DSCAM: variants seen among roughly 807,000 people sequenced by gnomAD.
DSCAM encodes DS cell adhesion molecule.
In DSCAM, 47 loss-of-function variants were observed where a neutral mutation model predicts 217.7. The ratio of observed to expected loss-of-function variants is 0.22; its 90% CI spans 0.17 to 0.28. The LOEUF (loss-of-function observed/expected upper bound fraction) is 0.28, where lower values mean the gene tolerates loss of function less well. Ranked by LOEUF, DSCAM falls within the 10% of genes least tolerant of loss-of-function variation. DSCAM has a pLI of 1.00. For synonymous variants in DSCAM, 1,056 were observed against 1,015.3 expected (o/e 1.04, Z -0.76); for missense variants, 2,080 against 2,618.3 (o/e 0.79, Z 4.49).
intron 1 of DSCAM, among the ~76,000 whole-genome samples, chr21:40,716,833 A>G (rs1244883477): frequency 6.6e-6 from 1 of 152,146 alleles, no homozygotes; most frequent in Non-Finnish European, 1.5e-5. Context: ...TACTACTGCC[A>G]AGGAAATTTC....
intron 11 of DSCAM, among the ~76,000 whole-genome samples, chr21:40,231,750 G>A (rs989029359): frequency 6.6e-6 from 1 of 152,020 alleles, no homozygotes; most frequent in African/African-American, 2.4e-5. Context: ...TGATCCTCCT[G>A]TCTTGGCCTC....
chr21:40,142,181 C>T (rs556343422), intron 18 of DSCAM, among the ~76,000 whole-genome samples: 3 of 152,234 alleles, frequency 2.0e-5, no homozygotes, highest in East Asian at 1.9e-4. Context: ...CGTTTCCCCG[C>T]GGAGTTCTAT....
At chr21:40,827,157 CG>C (rs2091975276) in intron 1 of DSCAM, among the ~76,000 whole-genome samples, 1 of 151,978 alleles carries the variant, frequency 6.6e-6, no homozygotes, top group Non-Finnish European at 1.5e-5. Flanking sequence ...GAGGTGTGCA[CG>C]GTCCAGGTGA....
intron 18 of DSCAM, among the ~76,000 whole-genome samples, chr21:40,134,577 C>T (rs2090187966): frequency 6.6e-6 from 1 of 152,190 alleles, no homozygotes; most frequent in South Asian, 2.1e-4. Flanking sequence ...TAACTATAGT[C>T]ACCACTTTGT....
chr21:40,491,095 C>T (rs540047584), intron 3 of DSCAM, among the ~76,000 whole-genome samples: 6 of 152,094 alleles, frequency 3.9e-5, no homozygotes, highest in African/African-American at 7.2e-5. Flanking sequence ...TTTTGTCTTA[C>T]GATATCATAA....
intron 1 of DSCAM, among the ~76,000 whole-genome samples, chr21:40,825,413 G>T (rs1272395161): frequency 6.6e-6 from 1 of 151,954 alleles, no homozygotes; most frequent in Non-Finnish European, 1.5e-5. Flanking sequence ...TGCCTCCCGG[G>T]TTCAAGTGAT....
chr21:40,805,803 G>T (rs1206488551), intron 1 of DSCAM, among the ~76,000 whole-genome samples: 1 of 151,908 alleles, frequency 6.6e-6, no homozygotes, highest in Non-Finnish European at 1.5e-5. Flanking sequence ...CCACCTCCCG[G>T]GTTCATGCCA....
At chr21:40,153,098 G>A (rs567436555) in intron 16 of DSCAM, among the ~76,000 whole-genome samples, 1 of 152,166 alleles carries the variant, frequency 6.6e-6, no homozygotes, top group East Asian at 1.9e-4. Flanking sequence ...TGACAAGTTG[G>A]GTGGACAGTC....
chr21:40,052,976 G>T (rs1010184275), intron 29 of DSCAM, among the ~76,000 whole-genome samples: 10 of 152,296 alleles, frequency 6.6e-5, no homozygotes, highest in Admixed American at 6.5e-4. Context: ...ACTTTGGCTA[G>T]GATATACAGA....
Position 40,602,303 on chromosome 21 carries a change from C to T in DSCAM, c.508+90507G>A, listed in dbSNP as rs373429942. ...CTGGAAATCCTGAGCTCAAGCAATC[C>T]GCCCGCTGCGGCTTCTCAAAGTGCT... On this transcript the variant is annotated intron_variant, in intron 3 of 32. Coordinates refer to ENST00000400454, the MANE Select transcript of DSCAM (RefSeq NM_001389.5). Among the ~76,000 whole-genome samples, 64 of 152,186 alleles carry T rather than the reference C, an allele frequency of 4.2e-4. 2 individuals are homozygous for T. In the South Asian group the frequency reaches 0.012, roughly 28 times the overall value.
chr21:40,428,478 C>T, intron 3 of DSCAM, among the ~76,000 whole-genome samples: 1 of 152,032 alleles, frequency 6.6e-6, no homozygotes, highest in Non-Finnish European at 1.5e-5. Context: ...CCATGTTGGT[C>T]AGGCTGGTCT....
chr21:40,559,490 C>T lies in DSCAM; in HGVS notation c.508+133320G>A, dbSNP rs574982856. Among the ~76,000 whole-genome samples, 12 of 148,260 alleles carry T rather than the reference C, an allele frequency of 8.1e-5. No homozygotes were observed. In the South Asian group the frequency reaches 2.5e-3, roughly 31 times the overall value. On this transcript the variant is annotated intron_variant, in intron 3 of 32. Transcript: ENST00000400454. Reference sequence around the variant, plus strand: ...AAAAAAAAAAAAGTACAAGTAAAGACAAATGATTTTAAGCAGAATAGGAGG... The same window carrying T: ...AAAAAAAAAAAAGTACAAGTAAAGATAAATGATTTTAAGCAGAATAGGAGG...
At chr21:40,483,234 T>C (rs2075997360) in intron 3 of DSCAM, among the ~76,000 whole-genome samples, 1 of 152,210 alleles carries the variant, frequency 6.6e-6, no homozygotes, top group African/African-American at 2.4e-5. Context: ...TTAGCAAATA[T>C]CTATTTTAAA....
intron 32 of DSCAM, among the ~76,000 whole-genome samples, chr21:40,020,532 A>T (rs200890661): frequency 3.4e-4 from 48 of 140,892 alleles, no homozygotes; most frequent in African/African-American, 5.4e-4. Flanking sequence ...TGTGTGTGTG[A>T]GAGAGAGAGA....
chr21:40,667,631 G>C lies in DSCAM; in HGVS notation c.508+25179C>G, dbSNP rs139099328. Among the ~76,000 whole-genome samples the C allele has an allele frequency of 4.5e-3, 679 of 151,950 alleles. 3 individuals are homozygous for C. Among genetic ancestry groups the C allele is most frequent in the African/African-American group, 0.016 (642 of 41,288 alleles). On this transcript the variant is annotated intron_variant, in intron 3 of 32. Transcript: ENST00000400454. ...CCAGGTGGGAGGTAATTGAATCATG[G>C]GGGCAGTTACCCCCATGCTATTCTC... is the stretch of plus-strand genomic sequence containing the variant.
intron 3 of DSCAM, among the ~76,000 whole-genome samples, chr21:40,390,194 C>A (rs1251808207): frequency 6.6e-6 from 1 of 152,210 alleles, no homozygotes; most frequent in African/African-American, 2.4e-5. Flanking sequence ...ACCTGCTCAG[C>A]AGGTGGATGA....
At chr21:40,572,640 T>C (rs2076817155) in intron 3 of DSCAM, among the ~76,000 whole-genome samples, 1 of 152,016 alleles carries the variant, frequency 6.6e-6, no homozygotes, top group Non-Finnish European at 1.5e-5. Flanking sequence ...TCAAGACAAA[T>C]AGTAACCCAG....
At chr21:40,785,175 T>C (rs2091581980) in intron 1 of DSCAM, among the ~76,000 whole-genome samples, 1 of 152,212 alleles carries the variant, frequency 6.6e-6, no homozygotes, top group South Asian at 2.1e-4. Flanking sequence ...TTTGGTGAGA[T>C]TTAAAGCTAT....
chr21:40,599,397 A>G (rs553726737), intron 3 of DSCAM, among the ~76,000 whole-genome samples: 52 of 152,264 alleles, frequency 3.4e-4, no homozygotes, highest in African/African-American at 1.2e-3. Context: ...GGCTGGCCTC[A>G]GTATGTGTTG....
Sources: gnomAD v4.1 joint callset for allele counts (sites outside exome capture counted in the v4.1 genomes callset) on GRCh38, gnomAD v4.1.1 for gene constraint, MANE v1.5 for transcripts, NCBI Gene and HGNC (gene_info 2026-07-23, HGNC 2026-07-21) for gene names.